The following PHLDB2 variants were observed in gnomAD, a reference collection of about 807,000 sequenced individuals.
PHLDB2 encodes the protein pleckstrin homology-like domain family B member 2.
PHLDB2 carries 71 observed loss-of-function variants against 123.6 expected under a neutral mutation model. That is an observed-to-expected ratio of 0.57 (90% CI 0.47 to 0.70). PHLDB2 has a LOEUF of 0.70. PHLDB2 is among the 30% of genes least tolerant of loss of function. The pLI, the probability that PHLDB2 is intolerant of heterozygous loss-of-function variation, is 0.00. For missense variants in PHLDB2, 1,446 were observed against 1,519.5 expected (o/e 0.95, Z 0.80); for synonymous variants, 547 against 541.6 (o/e 1.01, Z -0.14).
intron 5 of PHLDB2, among the ~76,000 whole-genome samples, chr3:111,920,926 A>C (rs1270599908): frequency 6.6e-6 from 1 of 152,234 alleles, no homozygotes; most frequent in Non-Finnish European, 1.5e-5. Context: ...ATGCAAGTGC[A>C]CTGCTTTTTG....
Position 111,943,562 on chromosome 3 carries a change from A to AT in PHLDB2, c.2398-1699dup, listed in dbSNP as rs546402489. The stretch of plus-strand genomic sequence containing the variant: ...AATAATAATAGCAATACATCAATAA[A>AT]TTTTTTTAAAAAACAGGCAAAAGTC... On this transcript the variant is annotated intron_variant, in intron 8 of 17. Coordinates refer to ENST00000431670, the MANE Select transcript of PHLDB2 (RefSeq NM_001134438.2). Among the ~76,000 whole-genome samples, 10 of 152,234 alleles carry AT rather than the reference A, an allele frequency of 6.6e-5. No homozygotes were observed. In the South Asian group the frequency reaches 2.1e-3, roughly 32 times the overall value.
At chr3:111,793,914 C>A (rs1326202376) in intron 1 of PHLDB2, among the ~76,000 whole-genome samples, 1 of 151,106 alleles carries the variant, frequency 6.6e-6, no homozygotes, top group East Asian at 2.0e-4. Flanking sequence ...TCTTTAGTCT[C>A]CCCTATCCTT....
chr3:111,856,036 T>C (rs1215273771), upstream of PHLDB2, among the ~76,000 whole-genome samples: 2 of 152,172 alleles, frequency 1.3e-5, no homozygotes, highest in Admixed American at 6.5e-5. Context: ...TCATCAGGAA[T>C]GGGAAACTTT....
chr3:111,769,771 G>A (rs573389010), intron 1 of PHLDB2, among the ~76,000 whole-genome samples: 5 of 152,244 alleles, frequency 3.3e-5, no homozygotes, highest in South Asian at 2.1e-4. Flanking sequence ...CTCGTGTTTC[G>A]TTCCATCTCT....
chr3:111,734,687 A>C (rs1371703119), intron 1 of PHLDB2, among the ~76,000 whole-genome samples: 1 of 152,222 alleles, frequency 6.6e-6, no homozygotes, highest in Non-Finnish European at 1.5e-5. Context: ...AGAATATAGA[A>C]GTTAATTAAT....
At position 111,768,753 on chromosome 3, in the gene PHLDB2, AG is replaced by A. The variant is rs2060125136; in HGVS notation, c.-49+36051del. Among the ~76,000 whole-genome samples, 4 of 152,170 alleles carry A rather than the reference AG, an allele frequency of 2.6e-5. No homozygotes were observed. The South Asian group carries it at 6.2e-4, about 24-fold the overall frequency. On this transcript the variant is annotated intron_variant, in intron 1 of 17. Coordinates refer to the PHLDB2 transcript ENST00000393923. ...TCTTCCTGTGTAATCTCATCACCCA[AG>A]TCCACCCACGTACTTGGAGTTTGCT...
At chr3:111,945,079 G>T (rs1042355786) in intron 8 of PHLDB2, among the ~76,000 whole-genome samples, 189 bp from the exon 9 acceptor site, 21 of 152,190 alleles carry the variant, frequency 1.4e-4, no homozygotes, top group African/African-American at 4.3e-4. Context: ...AACAACTCAT[G>T]CAGCATATCA....
At chr3:111,922,311 T>C (rs1435695083) in intron 5 of PHLDB2, among the ~76,000 whole-genome samples, 2 of 152,202 alleles carry the variant, frequency 1.3e-5, no homozygotes, top group South Asian at 2.1e-4. Flanking sequence ...GTGAAGCAAG[T>C]TGAGCCAATG....
At chr3:111,958,230 T>G in intron 12 of PHLDB2, 1 of 979,498 alleles carries the variant, frequency 1.0e-6, no homozygotes, top group Non-Finnish European at 1.2e-6. Flanking sequence ...TCTTCATTCC[T>G]GACTTGTCCT....
At chr3:111,925,635 T>G (rs1414014060) in intron 5 of PHLDB2, among the ~76,000 whole-genome samples, 5 of 152,242 alleles carry the variant, frequency 3.3e-5, no homozygotes, top group Non-Finnish European at 5.9e-5. Flanking sequence ...TGTTTTCATT[T>G]AATGGGCCTG....
intron 12 of PHLDB2, among the ~76,000 whole-genome samples, chr3:111,956,094 C>A (rs1354012161): frequency 6.6e-6 from 1 of 152,172 alleles, no homozygotes; most frequent in Non-Finnish European, 1.5e-5. Flanking sequence ...ACTCAGGAGG[C>A]TGAGGTAGGA....
intron 1 of PHLDB2, among the ~76,000 whole-genome samples, chr3:111,869,588 TG>T (rs1254589269): frequency 6.6e-6 from 1 of 152,208 alleles, no homozygotes; most frequent in East Asian, 1.9e-4. Context: ...CCCTGTCACC[TG>T]GTGAATTCCG....
intron 1 of PHLDB2, among the ~76,000 whole-genome samples, chr3:111,760,915 G>C (rs1203474695): frequency 6.6e-6 from 1 of 152,114 alleles, no homozygotes; most frequent in African/African-American, 2.4e-5. Context: ...GGCCAGGTGT[G>C]GTGGCTCACG....
At chr3:111,744,750 C>T (rs748243320) in intron 1 of PHLDB2, among the ~76,000 whole-genome samples, 2 of 152,174 alleles carry the variant, frequency 1.3e-5, no homozygotes, top group Non-Finnish European at 2.9e-5. Flanking sequence ...GTAAGCCTCA[C>T]TAATCTCATC....
chr3:111,767,023 T>G (rs918455890), intron 1 of PHLDB2, among the ~76,000 whole-genome samples: 38 of 80,050 alleles, frequency 4.7e-4, no homozygotes, highest in African/African-American at 1.8e-3. Context: ...AGAGCCTGAC[T>G]TCATCTCAAA....
chr3:111,750,529 A>T (rs1215725186), intron 1 of PHLDB2, among the ~76,000 whole-genome samples: 4 of 152,234 alleles, frequency 2.6e-5, no homozygotes, highest in Admixed American at 2.6e-4. Flanking sequence ...CGTAATCAAG[A>T]CCTTAAAGAT....
chr3:111,948,158 A>T (rs1268404306), intron 9 of PHLDB2, among the ~76,000 whole-genome samples: 1 of 152,176 alleles, frequency 6.6e-6, no homozygotes, highest in African/African-American at 2.4e-5. Context: ...AAGTAACTGG[A>T]AATTCTCTGT....
At chr3:111,807,583 G>T (rs991418707) in intron 1 of PHLDB2, among the ~76,000 whole-genome samples, 4 of 152,024 alleles carry the variant, frequency 2.6e-5, no homozygotes, top group Non-Finnish European at 5.9e-5. Flanking sequence ...AAAAAAAATA[G>T]CCAGGCGCGT....
intron 1 of PHLDB2, among the ~76,000 whole-genome samples, chr3:111,787,421 T>C (rs1047275614): frequency 1.3e-5 from 2 of 152,202 alleles, no homozygotes; most frequent in African/African-American, 4.8e-5. Context: ...TATCTTTGGA[T>C]ATTTTTTTGC....
Sources: gnomAD v4.1 joint callset for allele counts (sites outside exome capture counted in the v4.1 genomes callset) on GRCh38, gnomAD v4.1.1 for gene constraint, MANE v1.5 for transcripts, NCBI Gene and HGNC (gene_info 2026-07-23, HGNC 2026-07-21) for gene names.